The following MGAT5 variants were observed in gnomAD, a reference collection of about 807,000 sequenced individuals.
MGAT5 encodes the protein alpha-1,6-mannosylglycoprotein 6-beta-N-acetylglucosaminyltransferase.
MGAT5 carries 30 observed loss-of-function variants against 94.3 expected under a neutral mutation model. The observed-to-expected ratio is 0.32, with a 90% confidence interval of 0.24 to 0.43. MGAT5 has a LOEUF of 0.43. Ranked by LOEUF, MGAT5 falls within the 20% of genes least tolerant of loss-of-function variation. The pLI, the probability that MGAT5 is intolerant of heterozygous loss-of-function variation, is 1.00. For synonymous variants in MGAT5, 310 were observed against 322.9 expected (o/e 0.96, Z 0.43); for missense variants, 691 against 905.5 (o/e 0.76, Z 3.04).
intron 2 of MGAT5, among the ~76,000 whole-genome samples, chr2:134,291,075 A>AAC (rs145935023): frequency 5.0e-4 from 76 of 151,904 alleles, no homozygotes; most frequent in Middle Eastern, 3.4e-3. Flanking sequence ...TTATTTAGAA[A>AAC]ACACACACAC....
In MGAT5 at chr2:134,338,345, A is replaced by T. The variant is rs766427397; in HGVS notation, c.732A>T (p.Arg244=). Residue 244 remains arginine (R), a synonymous_variant, in exon 6 of 16, where the codon CGA becomes CGT. Coordinates refer to ENST00000281923, the MANE Select transcript of MGAT5 (RefSeq NM_002410.5). ...EFRWMRLRIR[R]MADAWIQAIK... Reference sequence around the variant, plus strand: ...GGTGGATGAGACTACGGATCCGGCGAATGGCTGACGCATGGATCCAAGCAA... The same window carrying T: ...GGTGGATGAGACTACGGATCCGGCGTATGGCTGACGCATGGATCCAAGCAA... The T allele has an allele frequency of 1.1e-5, 17 of 1,613,224 alleles. No homozygotes were observed. Among genetic ancestry groups the T allele is most frequent in the Non-Finnish European group, 1.2e-5 (14 of 1,179,504 alleles).
At chr2:134,234,386 C>G (rs1169539077) in intron 1 of MGAT5, among the ~76,000 whole-genome samples, 1 of 152,222 alleles carries the variant, frequency 6.6e-6, no homozygotes, top group Non-Finnish European at 1.5e-5. Flanking sequence ...GAATCTCTTC[C>G]TTCAAGAAGT....
rs746434920 is a variant in MGAT5 at position 134,428,355 on chromosome 2, G to T, written c.1795-10G>T. On this transcript the variant is annotated splice_polypyrimidine_tract_variant and intron_variant, in intron 13 of 15. Coordinates refer to ENST00000281923, the MANE Select transcript of MGAT5 (RefSeq NM_002410.5). ...CTTCTCCTTCATGGTATCATGCTCTGTTTCCACAGATTGAGCCATACATGC... is the reference window on the plus strand; with the variant it reads ...CTTCTCCTTCATGGTATCATGCTCTTTTTCCACAGATTGAGCCATACATGC... 1.9e-6 allele frequency: 3 copies of T among 1,613,520 alleles called. No individual in the cohort carries two copies. Among genetic ancestry groups the T allele is most frequent in the Non-Finnish European group, 2.5e-6 (3 of 1,179,534 alleles).
Position 134,196,490 on chromosome 2 carries a change from T to G in MGAT5, c.-142-57772T>G, listed in dbSNP as rs1001255079. On this transcript the variant is annotated intron_variant, in intron 1 of 16. Transcript: ENST00000409645. ...TGTTTTCTATTTAATGTAGGATTCA[T>G]TTTCAAAGCAAAGTGATCATTTAAA... Among the ~76,000 whole-genome samples the G allele has an allele frequency of 9.2e-5, 14 of 152,228 alleles. No individual in the cohort carries two copies. In the East Asian group the frequency reaches 2.5e-3, roughly 27 times the overall value.
chr2:134,131,732 A>G (rs1202793927), intron 1 of MGAT5, among the ~76,000 whole-genome samples: 2 of 149,404 alleles, frequency 1.3e-5, no homozygotes, highest in Admixed American at 6.6e-5. Flanking sequence ...CCTTTTGGCT[A>G]TGTGACTTGC....
chr2:134,402,897 G>T, intron 10 of MGAT5, 91 bp from the exon 11 acceptor site: 1 of 1,273,020 alleles, frequency 7.9e-7, no homozygotes, highest in Non-Finnish European at 1.1e-6. Flanking sequence ...TCTGTCTGTG[G>T]CCTCTAGTCT....
Position 134,189,602 on chromosome 2 carries a change from G to GTTTTGTTTTTTTTTTTTT in MGAT5, c.-142-64656_-142-64655insGTTTTTTTTTTTTTTTTT, listed in dbSNP as rs1553490380. Among the ~76,000 whole-genome samples, 29 of 84,650 alleles carry GTTTTGTTTTTTTTTTTTT rather than the reference G, an allele frequency of 3.4e-4. 1 individual carries two copies. Among genetic ancestry groups the GTTTTGTTTTTTTTTTTTT allele is most frequent in the African/African-American group, 1.2e-3 (26 of 20,994 alleles). 55.5% of individuals were successfully genotyped at this position (84,650 alleles called of 152,430 possible). Reference sequence around the variant, plus strand: ...AACCTCATGGCTCTAGTTTTTTTTTGTTTTTTTTTTTTTTTTTTAAGACAG... The same window carrying GTTTTGTTTTTTTTTTTTT: ...AACCTCATGGCTCTAGTTTTTTTTTGTTTTGTTTTTTTTTTTTTTTTTTTTTTTTTTTTTTTAAGACAG... On this transcript the variant is annotated intron_variant, in intron 1 of 16. Coordinates refer to the MGAT5 transcript ENST00000409645.
At chr2:134,223,371 G>A (rs1257206) in intron 1 of MGAT5, among the ~76,000 whole-genome samples, 121,100 of 152,010 alleles carry the variant, frequency 0.8, 48,561 homozygotes, top group Non-Finnish European at 0.84. Flanking sequence ...AAACAGATCC[G>A]GGGCCAGTGG....
At chr2:134,341,373 A>G (rs1321003365) in intron 6 of MGAT5, among the ~76,000 whole-genome samples, 2 of 152,186 alleles carry the variant, frequency 1.3e-5, no homozygotes, top group Non-Finnish European at 2.9e-5. Context: ...CCTTGTACTC[A>G]TAGCCATACC....
Position 134,453,604 on chromosome 2 carries a change from G to T in MGAT5, c.*4757G>T, listed in dbSNP as rs900568117. The stretch of plus-strand genomic sequence containing the variant: ...ACACATTCCCCAGGCAGGTCCCTTT[G>T]CCGGCCCCTACAGGCTGGGGTGGCC... On this transcript the variant is annotated 3_prime_UTR_variant, in exon 16 of 16. Transcript: ENST00000281923. 3.3e-5 allele frequency: 5 copies of T among 152,202 alleles called. No individual in the cohort carries two copies. The highest frequency in any genetic ancestry group is 1.2e-4 in the African/African-American group (5 of 41,446). 9.4% of individuals were successfully genotyped at this position (152,202 alleles called of 1,614,324 possible).
intron 2 of MGAT5, among the ~76,000 whole-genome samples, chr2:134,299,468 G>A (rs1229989902): frequency 1.3e-5 from 2 of 152,158 alleles, no homozygotes; most frequent in Non-Finnish European, 2.9e-5. Flanking sequence ...AATGCTAATT[G>A]CAACCTTCAT....
intron 2 of MGAT5, among the ~76,000 whole-genome samples, chr2:134,298,779 A>G (rs1685846640): frequency 6.6e-6 from 1 of 152,062 alleles, no homozygotes; most frequent in African/African-American, 2.4e-5. Flanking sequence ...CATAATGGTG[A>G]TGGTTGAGTG....
chr2:134,400,621 G>C (rs1195651619), intron 10 of MGAT5, among the ~76,000 whole-genome samples: 1 of 152,028 alleles, frequency 6.6e-6, no homozygotes, highest in Non-Finnish European at 1.5e-5. Context: ...CCCTAATCTT[G>C]AGTCTGTCTA....
chr2:134,376,786 G>A (rs1249139752), intron 10 of MGAT5, among the ~76,000 whole-genome samples: 1 of 152,174 alleles, frequency 6.6e-6, no homozygotes, highest in African/African-American at 2.4e-5. Context: ...TTTTGTGACA[G>A]TGTGCTGGCT....
chr2:134,165,966 G>T (rs986718969), intron 1 of MGAT5, among the ~76,000 whole-genome samples: 5 of 152,122 alleles, frequency 3.3e-5, no homozygotes, highest in Non-Finnish European at 5.9e-5. Flanking sequence ...ACCTCAAAGA[G>T]GTACAGCTAT....
intron 2 of MGAT5, among the ~76,000 whole-genome samples, chr2:134,282,993 A>G (rs1368804380): frequency 2.1e-4 from 17 of 82,382 alleles, no homozygotes; most frequent in African/African-American, 7.5e-4. Context: ...CCAAAACCGA[A>G]AAAAAAAAAA....
chr2:134,395,878 A>G (rs1409187043), intron 10 of MGAT5, among the ~76,000 whole-genome samples: 1 of 152,210 alleles, frequency 6.6e-6, no homozygotes, highest in Admixed American at 6.5e-5. Flanking sequence ...ACTCAGTATC[A>G]TACTTGAGAC....
rs1683761177 is a variant in MGAT5 at position 134,413,041 on chromosome 2, T to C, written c.1677+26T>C. 3 of 1,611,446 alleles carry C rather than the reference T, an allele frequency of 1.9e-6. No individual in the cohort carries two copies. The African/African-American group carries it at 4.0e-5, about 22-fold the overall frequency. ...GTAAGCATCTATCAAAATTATTCCATTTTGAATAATATGAATAATAGCTAT... is the reference window on the plus strand; with the variant it reads ...GTAAGCATCTATCAAAATTATTCCACTTTGAATAATATGAATAATAGCTAT... On this transcript the variant is annotated intron_variant, in intron 12 of 15. Transcript: ENST00000281923.
intron 1 of MGAT5, among the ~76,000 whole-genome samples, chr2:134,171,030 T>C (rs1273688365): frequency 1.3e-5 from 2 of 152,114 alleles, no homozygotes. Flanking sequence ...CAAGCTAATT[T>C]TTGTATTTTT....
Sources: allele counts gnomAD v4.1 joint callset (sites outside exome capture counted in the v4.1 genomes callset), GRCh38; gene constraint gnomAD v4.1.1; transcripts MANE v1.5; gene names NCBI Gene and HGNC (gene_info 2026-07-23, HGNC 2026-07-21).